Variants in CDYL observed in about 807,000 individuals in gnomAD.
The protein encoded by CDYL is chromodomain Y like.
Under a neutral mutation model 47.3 loss-of-function variants are expected in CDYL, and 8 were observed. The observed-to-expected ratio is 0.17, with a 90% CI of 0.10 to 0.31. The LOEUF (loss-of-function observed/expected upper bound fraction) is 0.31, where lower values mean the gene tolerates loss of function less well. CDYL is among the 10% of genes least tolerant of loss of function. The pLI is 1.00. For synonymous variants in CDYL, 266 were observed against 265.0 expected, an observed-to-expected ratio of 1.00 and a Z score of -0.04; for missense variants, 471 against 701.4, an observed-to-expected ratio of 0.67 and a Z score of 3.71.
chr6:4,953,383 CAAAA>C (rs531568876), intron 6 of CDYL, among the ~76,000 whole-genome samples: 1 of 143,894 alleles, frequency 6.9e-6, no homozygotes, highest in African/African-American at 2.5e-5. Flanking sequence ...GACCCTGTGT[CAAAA>C]AAAAAACCAC....
rs952375651 is a variant in CDYL, at chr6:4,913,139, A to C, written c.691+20760A>C. ...CTTAAAAGTTTGTTTCCCTGGGATCAAAGCTAACTTGGCAGAGACCTTATT... is the reference window on the plus strand; with the variant it reads ...CTTAAAAGTTTGTTTCCCTGGGATCCAAGCTAACTTGGCAGAGACCTTATT... On this transcript the variant is annotated intron_variant, in intron 2 of 6. Transcript: ENST00000397588. 7.4e-4 allele frequency among the ~76,000 whole-genome samples: 112 copies of C among 152,346 alleles called. 2 individuals are homozygous for C. The highest frequency in any genetic ancestry group is 2.6e-3 in the African/African-American group (110 of 41,580).
chr6:4,904,976 C>T (rs769623240), intron 2 of CDYL, among the ~76,000 whole-genome samples: 3 of 152,074 alleles, frequency 2.0e-5, no homozygotes, highest in East Asian at 1.9e-4. Flanking sequence ...CCTGTGTGAT[C>T]GGCCGTCCCT....
intron 3 of CDYL, among the ~76,000 whole-genome samples, chr6:4,748,681 A>ACACAC (rs57871036): frequency 6.6e-6 from 1 of 151,750 alleles, no homozygotes; most frequent in Non-Finnish European, 1.5e-5. Context: ...ACACACACAC[A>ACACAC]AACAAATTTT....
intron 1 of CDYL, among the ~76,000 whole-genome samples, chr6:4,881,876 C>G (rs1761770946): frequency 6.6e-6 from 1 of 152,218 alleles, no homozygotes; most frequent in South Asian, 2.1e-4. Flanking sequence ...TTCTGCATTT[C>G]TGCACCTTTT....
chr6:4,739,781 C>T (rs753298529), intron 3 of CDYL, among the ~76,000 whole-genome samples: 5 of 151,618 alleles, frequency 3.3e-5, no homozygotes, highest in South Asian at 2.1e-4. Context: ...GGAGAAACCC[C>T]GTCTCTACTA....
At position 4,935,536 on chromosome 6, in the gene CDYL, C is replaced by G; in HGVS notation, c.713C>G (p.Ala238Gly). The change falls in exon 3 of 7, where the codon GCA becomes GGA. Residue 238 changes from alanine (A) to glycine (G), a missense_variant. Coordinates refer to ENST00000397588, the MANE Select transcript of CDYL (RefSeq NM_004824.4). ...GCAGGTACATCTCCGTTCATGGATG[C>G]ATTAACAGCCAATGGGACAACCAAC... ...NGKGTSPFMDALTANGTTNIQ... is the reference protein window; with the variant it reads ...NGKGTSPFMDGLTANGTTNIQ... 1 of 1,614,180 alleles carries G rather than the reference C, an allele frequency of 6.2e-7. No individual in the cohort carries two copies. Among genetic ancestry groups the G allele is most frequent in the South Asian group, 1.1e-5 (1 of 91,090 alleles).
intron 1 of CDYL, among the ~76,000 whole-genome samples, chr6:4,803,858 G>A (rs1759294279): frequency 6.6e-6 from 1 of 150,916 alleles, no homozygotes; most frequent in Non-Finnish European, 1.5e-5. Context: ...ATGTGTGTAT[G>A]TGTGTTTTTT....
Position 4,937,463 on chromosome 6 carries a change from G to A in CDYL, c.949-102G>A, listed in dbSNP as rs572302495. ...GTGAGCCTTGATTAAACCACTGCACGCCAACCTGAGCAACAGAGTGAGACT... is the reference window on the plus strand; with the variant it reads ...GTGAGCCTTGATTAAACCACTGCACACCAACCTGAGCAACAGAGTGAGACT... On this transcript the variant is annotated intron_variant, in intron 3 of 6. Transcript: ENST00000397588. 2.4e-5 allele frequency: 22 copies of A among 921,836 alleles called. No homozygotes were observed. The South Asian group carries it at 2.9e-4, about 12-fold the overall frequency. The allele number at this position is 921,836 out of a possible 1,614,324, so 57.1% of individuals were successfully genotyped here.
intron 2 of CDYL, among the ~76,000 whole-genome samples, chr6:4,734,087 G>C (rs141911722): frequency 6.6e-6 from 1 of 152,004 alleles, no homozygotes; most frequent in Admixed American, 6.6e-5. Context: ...TGATCCATCC[G>C]TCTCAGCCTC....
rs151006523 is a variant in CDYL, at chr6:4,931,027, T to C, written c.692-4488T>C. Among the ~76,000 whole-genome samples the C allele has an allele frequency of 4.2e-3, 638 of 152,298 alleles. 5 individuals carry two copies. The highest frequency in any genetic ancestry group is 0.015 in the African/African-American group (621 of 41,558). ...TAGTCATTAGCAGCTACTTCTGCTC[T>C]GAAGTGTGGAGCTTACCATCCCTGG... On this transcript the variant is annotated intron_variant, in intron 2 of 6. Coordinates refer to ENST00000397588, the MANE Select transcript of CDYL (RefSeq NM_004824.4).
At chr6:4,838,593 T>C (rs7739527) in intron 1 of CDYL, among the ~76,000 whole-genome samples, 3,452 of 152,308 alleles carry the variant, frequency 0.023, 134 homozygotes, top group African/African-American at 0.078. Context: ...CAATTGCAAA[T>C]ATAAACGTGT....
chr6:4,895,647 G>A (rs540458133), intron 2 of CDYL, among the ~76,000 whole-genome samples: 4 of 152,004 alleles, frequency 2.6e-5, no homozygotes, highest in East Asian at 1.9e-4. Flanking sequence ...TAACCCGCAC[G>A]TCCAGTTTTG....
At chr6:4,848,673 T>C (rs1329178545) in intron 1 of CDYL, among the ~76,000 whole-genome samples, 7 of 152,246 alleles carry the variant, frequency 4.6e-5, no homozygotes, top group African/African-American at 7.2e-5. Flanking sequence ...AGTGTATTTT[T>C]AGTTGTGTGG....
At chr6:4,773,821 G>A (rs1203313542), upstream of CDYL, among the ~76,000 whole-genome samples, 3 of 152,174 alleles carry the variant, frequency 2.0e-5, no homozygotes, top group Non-Finnish European at 4.4e-5. The surrounding 1 kb of genome is among the most constrained non-coding windows in gnomAD (Gnocchi z 4.6). Flanking sequence ...TGTAGACTAA[G>A]GATAGCAGCA....
intron 2 of CDYL, among the ~76,000 whole-genome samples, chr6:4,722,009 T>C (rs1374908837): frequency 1.3e-5 from 2 of 152,214 alleles, no homozygotes; most frequent in African/African-American, 4.8e-5. Context: ...ATTATAGGCA[T>C]GTGCCTGGCT....
chr6:4,873,372 T>C (rs1223650918), intron 1 of CDYL, among the ~76,000 whole-genome samples: 1 of 152,174 alleles, frequency 6.6e-6, no homozygotes, highest in African/African-American at 2.4e-5. Context: ...AAAAGGGGTA[T>C]ATTTAATTTT....
intron 1 of CDYL, among the ~76,000 whole-genome samples, chr6:4,794,358 C>T (rs936015299): frequency 1.3e-5 from 2 of 152,040 alleles, no homozygotes; most frequent in African/African-American, 2.4e-5. Context: ...TTTGGCAGCG[C>T]GGAGGCCACT....
intron 1 of CDYL, among the ~76,000 whole-genome samples, chr6:4,857,715 T>G (rs1002669193): frequency 1.3e-5 from 2 of 152,234 alleles, no homozygotes; most frequent in African/African-American, 4.8e-5. Context: ...CAATACAATC[T>G]GTCATTGGAC....
chr6:4,788,351 G>A (rs1758814471), intron 1 of CDYL, among the ~76,000 whole-genome samples: 3 of 151,728 alleles, frequency 2.0e-5, no homozygotes, highest in African/African-American at 7.3e-5. Flanking sequence ...GCCAAGTGTG[G>A]TGGTGCCTGT....
Sources: gnomAD v4.1 joint callset for allele counts (sites outside exome capture counted in the v4.1 genomes callset) on GRCh38, gnomAD v4.1.1 for gene constraint, Gnocchi (gnomAD v3.1) non-coding constraint, MANE v1.5 for transcripts, NCBI Gene and HGNC (gene_info 2026-07-23, HGNC 2026-07-21) for gene names.